Variants in DSCAM observed in about 807,000 individuals in gnomAD.
DSCAM encodes the protein DS cell adhesion molecule, also known as cell adhesion molecule DSCAM.
A neutral mutation model predicts 217.7 loss-of-function variants in DSCAM; 47 were observed. The observed-to-expected ratio is 0.22, with a 90% confidence interval of 0.17 to 0.28. The LOEUF (loss-of-function observed/expected upper bound fraction) is 0.28. DSCAM is among the 10% of genes least tolerant of loss of function. The probability of loss-of-function intolerance (pLI) is 1.00; values close to 1 mark genes in which losing one functional copy is unlikely to be tolerated. For synonymous variants in DSCAM, 1,056 were observed against 1,015.3 expected (o/e 1.04, Z -0.76); for missense variants, 2,080 against 2,618.3 (o/e 0.79, Z 4.49).
At chr21:40,310,860 C>G (rs1029844365) in intron 9 of DSCAM, among the ~76,000 whole-genome samples, 1 of 152,148 alleles carries the variant, frequency 6.6e-6, no homozygotes, top group Non-Finnish European at 1.5e-5. Flanking sequence ...CTCCAAAGTG[C>G]AAGGTGGAAA....
Position 40,311,220 on chromosome 21 carries a change from T to C in DSCAM, c.2062+861A>G, listed in dbSNP as rs141030475. On this transcript the variant is annotated intron_variant, in intron 9 of 32. Coordinates refer to ENST00000400454, the MANE Select transcript of DSCAM (RefSeq NM_001389.5). Reference sequence around the variant, plus strand: ...GGAATTTTAAAATGCAAATAATCATTGTTAATATAAATCTTTAACTTCAGA... The same window carrying C: ...GGAATTTTAAAATGCAAATAATCATCGTTAATATAAATCTTTAACTTCAGA... 3.9e-5 allele frequency among the ~76,000 whole-genome samples: 6 copies of C among 152,366 alleles called. No homozygotes were observed. The East Asian group carries it at 7.7e-4, about 20-fold the overall frequency.
intron 30 of DSCAM, 45 bp from the exon 31 acceptor site, chr21:40,044,320 T>C (rs1184007976): frequency 6.3e-7 from 1 of 1,578,154 alleles, no homozygotes; most frequent in East Asian, 2.3e-5. Flanking sequence ...TGCAGGAGTG[T>C]GGTCAGCTGA....
chr21:40,639,696 T>C (rs2089854485), intron 3 of DSCAM, among the ~76,000 whole-genome samples: 1 of 151,934 alleles, frequency 6.6e-6, no homozygotes, highest in South Asian at 2.1e-4. Context: ...TGCATGTGTG[T>C]GTGTGTGTGT....
chr21:40,485,863 A>G (rs1189443391), intron 3 of DSCAM, among the ~76,000 whole-genome samples: 3 of 152,128 alleles, frequency 2.0e-5, no homozygotes, highest in Non-Finnish European at 1.5e-5. Context: ...TTTCACACAT[A>G]TACACACAGT....
intron 4 of DSCAM, among the ~76,000 whole-genome samples, chr21:40,361,038 T>G (rs1351193238): frequency 4.6e-5 from 7 of 152,150 alleles, no homozygotes; most frequent in Non-Finnish European, 7.4e-5. Flanking sequence ...GTGGGGATAT[T>G]TGGTCATATA....
At chr21:40,330,580 T>C (rs1400368699) in intron 8 of DSCAM, among the ~76,000 whole-genome samples, 3 of 151,976 alleles carry the variant, frequency 2.0e-5, no homozygotes, top group East Asian at 1.9e-4. Context: ...TTTAAGTCAT[T>C]CCACCTCCAG....
intron 11 of DSCAM, among the ~76,000 whole-genome samples, chr21:40,201,478 G>C (rs1416403865): frequency 6.6e-6 from 1 of 151,448 alleles, no homozygotes; most frequent in African/African-American, 2.4e-5. Context: ...TTTCACTCTT[G>C]TTGACCAAGC....
intron 10 of DSCAM, among the ~76,000 whole-genome samples, chr21:40,277,338 C>G (rs773813074): frequency 2.0e-5 from 3 of 152,164 alleles, no homozygotes; most frequent in Non-Finnish European, 4.4e-5. Context: ...GACTTTGCAT[C>G]TGAGGACAGG....
At chr21:40,128,698 A>C (rs1010633476) in intron 19 of DSCAM, among the ~76,000 whole-genome samples, 8 of 125,490 alleles carry the variant, frequency 6.4e-5, no homozygotes, top group African/African-American at 2.7e-4. Flanking sequence ...TCATAACCAA[A>C]CAAAAAAAAA....
chr21:40,292,030 A>G lies in DSCAM; in HGVS notation c.2182+4025T>C, dbSNP rs114623766. Among the ~76,000 whole-genome samples, 507 of 151,794 alleles carry G rather than the reference A, an allele frequency of 3.3e-3. 2 individuals carry two copies. The highest frequency in any genetic ancestry group is 0.011 in the African/African-American group (458 of 41,236). ...TTAAGCTGTGGACTTCTGGGAGTACAGGTGAGACCCACCTCAGAATGAAGC... is the reference window on the plus strand; with the variant it reads ...TTAAGCTGTGGACTTCTGGGAGTACGGGTGAGACCCACCTCAGAATGAAGC... On this transcript the variant is annotated intron_variant, in intron 10 of 32. Coordinates refer to ENST00000400454, the MANE Select transcript of DSCAM (RefSeq NM_001389.5).
At chr21:40,080,433 G>T in intron 24 of DSCAM, 93 bp from the exon 25 acceptor site, 1 of 1,118,828 alleles carries the variant, frequency 8.9e-7, no homozygotes, top group Non-Finnish European at 1.2e-6. Context: ...AATAGAACGA[G>T]CATTCTCAGA....
At chr21:40,706,580 G>T (rs1467923875) in intron 2 of DSCAM, among the ~76,000 whole-genome samples, 1 of 152,158 alleles carries the variant, frequency 6.6e-6, no homozygotes. Context: ...GGGATATTTA[G>T]ACATTTAGGA....
At position 40,422,467 on chromosome 21, in the gene DSCAM, TA is replaced by T. The variant is rs145896718; in HGVS notation, c.509-53223del. Among the ~76,000 whole-genome samples, 484 of 111,758 alleles carry T rather than the reference TA, an allele frequency of 4.3e-3. 5 individuals are homozygous for T. Among genetic ancestry groups the T allele is most frequent in the African/African-American group, 0.012 (441 of 36,202 alleles). 73.3% of individuals were successfully genotyped at this position (111,758 alleles called of 152,430 possible). A position where few individuals can be genotyped will look rare whatever the true frequency, so the allele number is the denominator to read the frequency against. On this transcript the variant is annotated intron_variant, in intron 3 of 32. Coordinates refer to ENST00000400454, the MANE Select transcript of DSCAM (RefSeq NM_001389.5). The stretch of plus-strand genomic sequence containing the variant: ...CAACATAGTGAAACTCCATCTCTAC[TA>T]AAAAAAAATATATATATACAAAAAT...
At chr21:40,414,437 G>A (rs901643875) in intron 3 of DSCAM, among the ~76,000 whole-genome samples, 2 of 152,026 alleles carry the variant, frequency 1.3e-5, no homozygotes, top group East Asian at 3.8e-4. Context: ...AGATACCAAC[G>A]CATACCTCCT....
intron 3 of DSCAM, among the ~76,000 whole-genome samples, chr21:40,509,328 A>C (rs886783108): frequency 4.6e-5 from 7 of 152,186 alleles, no homozygotes; most frequent in South Asian, 2.1e-4. Context: ...AAACCTCTCT[A>C]ATCTTTCCTA....
intron 3 of DSCAM, among the ~76,000 whole-genome samples, chr21:40,417,929 T>C (rs1030195029): frequency 1.3e-5 from 2 of 152,136 alleles, no homozygotes; most frequent in Non-Finnish European, 2.9e-5. Context: ...AAGGTGAGGC[T>C]CCAAATTATG....
At chr21:40,575,289 C>CCCA (rs2076840662) in intron 3 of DSCAM, among the ~76,000 whole-genome samples, 1 of 151,360 alleles carries the variant, frequency 6.6e-6, no homozygotes, top group Non-Finnish European at 1.5e-5. Flanking sequence ...ATAAAACAGT[C>CCCA]CCACCCCATC....
At chr21:40,745,600 C>A (rs188033152) in intron 1 of DSCAM, among the ~76,000 whole-genome samples, 3 of 152,026 alleles carry the variant, frequency 2.0e-5, no homozygotes, top group Non-Finnish European at 4.4e-5. Context: ...CTTTCCCAGA[C>A]AAGGAAAAGC....
At chr21:40,545,434 C>T (rs2076574372) in intron 3 of DSCAM, among the ~76,000 whole-genome samples, 1 of 152,154 alleles carries the variant, frequency 6.6e-6, no homozygotes, top group African/African-American at 2.4e-5. Flanking sequence ...TACATATATT[C>T]ACTCTTCCAG....
Sources: allele counts gnomAD v4.1 joint callset (sites outside exome capture counted in the v4.1 genomes callset), GRCh38; gene constraint gnomAD v4.1.1; transcripts MANE v1.5; gene names NCBI Gene and HGNC (gene_info 2026-07-23, HGNC 2026-07-21).